The following FN1 variants were observed in gnomAD, a reference collection of about 807,000 sequenced individuals.
FN1 encodes fibronectin 1, also known as fibronectin.
Under a neutral mutation model 297.3 loss-of-function variants are expected in FN1, and 106 were observed. The ratio of observed to expected loss-of-function variants is 0.36; its 90% CI spans 0.30 to 0.42. FN1 has a LOEUF of 0.42. FN1 is among the 10% of genes least tolerant of loss of function. FN1 has a pLI of 1.00. For synonymous variants in FN1, 1,149 were observed against 1,152.6 expected (o/e 1.00, Z 0.06); for missense variants, 2,690 against 3,124.9 (o/e 0.86, Z 3.32).
chr2:215,415,041 A>C, intron 12 of FN1, 83 bp from the exon 13 acceptor site: 1 of 1,057,386 alleles, frequency 9.5e-7, no homozygotes, highest in Admixed American at 1.8e-5. Flanking sequence ...AGTCATCATT[A>C]TAAACAGCTT....
intron 25 of FN1, chr2:215,392,585 G>T (rs925132425): frequency 5.9e-6 from 2 of 341,736 alleles, no homozygotes; most frequent in Non-Finnish European, 1.1e-5. Flanking sequence ...TAATTAATTG[G>T]TACTTACGCA....
At chr2:215,403,786 G>A (rs983728171) in intron 20 of FN1, among the ~76,000 whole-genome samples, 3 of 152,120 alleles carry the variant, frequency 2.0e-5, no homozygotes, top group African/African-American at 4.8e-5. Flanking sequence ...AGAAAAGAGC[G>A]ATTCCGTCTG....
chr2:215,373,971 C>T (rs1196568523), intron 38 of FN1, among the ~76,000 whole-genome samples: 1 of 151,972 alleles, frequency 6.6e-6, no homozygotes, highest in African/African-American at 2.4e-5. Flanking sequence ...CGTGAGCCAC[C>T]GCGCCTGGCC....
chr2:215,390,043 C>T (rs1406243380), intron 26 of FN1, among the ~76,000 whole-genome samples: 1 of 152,220 alleles, frequency 6.6e-6, no homozygotes, highest in African/African-American at 2.4e-5. Flanking sequence ...ATTTGCCCTT[C>T]AGCGTTTCTA....
At position 215,430,816 on chromosome 2, in the gene FN1, T is replaced by C; in HGVS notation, c.584A>G (p.Tyr195Cys). 1 of 1,614,048 alleles carries C rather than the reference T, an allele frequency of 6.2e-7. No homozygotes were observed. The highest frequency in any genetic ancestry group is 2.2e-5 in the East Asian group (1 of 44,880). Residue 195 changes from tyrosine to cysteine, a missense_variant, in exon 5 of 46, where the codon TAT (tyrosine) becomes TGT (cysteine). By Grantham distance (194) the Tyr-to-Cys change is radical (BLOSUM62 -2). Around this residue, in one of 3 missense-constraint regions of FN1, gnomAD observed 876 missense variants for 1,058.1 expected, o/e 0.83. Transcript: ENST00000354785. ...CTTCTCCCACGTTTCTCCGACCACA[T>C]AGGAAGTCCCAGCAGCATGATCAAA... ...KCFDHAAGTS[Y>C]VVGETWEKPY...
chr2:215,395,994 T>C (rs908943783), intron 23 of FN1, among the ~76,000 whole-genome samples: 1 of 152,216 alleles, frequency 6.6e-6, no homozygotes, highest in African/African-American at 2.4e-5. Flanking sequence ...ATGAAAACTT[T>C]ACCAAAATCA....
intron 42 of FN1, 182 bp from the exon 43 acceptor site, chr2:215,365,812 T>A (rs147589042): frequency 0.3 from 75,982 of 255,328 alleles, 11,562 homozygotes; most frequent in South Asian, 0.49. Flanking sequence ...TTTTATTTTT[T>A]TTTTTTTTTT....
intron 21 of FN1, among the ~76,000 whole-genome samples, 175 bp downstream of exon 21, chr2:215,399,082 G>A (rs1190179722): frequency 2.0e-5 from 3 of 152,286 alleles, no homozygotes; most frequent in Admixed American, 6.5e-5. Flanking sequence ...CAACAATTCA[G>A]TGAGGTAGGC....
At chr2:215,375,540 A>G in intron 37 of FN1, 89 bp downstream of exon 37, 3 of 1,247,712 alleles carry the variant, frequency 2.4e-6, no homozygotes, top group Non-Finnish European at 3.5e-6. Flanking sequence ...TCTATAATAC[A>G]AAAATATACG....
chr2:215,435,936 A>T lies in FN1; in HGVS notation c.-134T>A. The T allele has an allele frequency of 6.0e-5, 79 of 1,310,496 alleles. No individual in the cohort carries two copies. The highest frequency in any genetic ancestry group is 3.8e-4 in the East Asian group (12 of 31,628). 81.2% of individuals were successfully genotyped at this position (1,310,496 alleles called of 1,614,324 possible). ...TCGCCTCCAAGAAGGTGGGGGCCAGAGGGTGGGGAAGGGGACGGGTGGAGG... is the reference window on the plus strand; with the variant it reads ...TCGCCTCCAAGAAGGTGGGGGCCAGTGGGTGGGGAAGGGGACGGGTGGAGG... On this transcript the variant is annotated 5_prime_UTR_variant, in exon 1 of 46. Coordinates refer to ENST00000354785, the MANE Select transcript of FN1 (RefSeq NM_212482.4).
At position 215,365,505 on chromosome 2, in the gene FN1, G is replaced by A. The variant is rs2054354579; in HGVS notation, c.7144C>T (p.His2382Tyr). 3.1e-6 allele frequency: 5 copies of A among 1,613,780 alleles called. No homozygotes were observed. The highest frequency in any genetic ancestry group is 1.3e-5 in the African/African-American group (1 of 74,906). The change falls in exon 43 of 46, where the codon CAT (histidine) becomes TAT (tyrosine). Residue 2382 changes from histidine to tyrosine, a missense_variant and splice_region_variant. Transcript: ENST00000354785. Reference sequence around the variant, plus strand: ...CTAAAAATGATCTGTGATGACATACGAGGGTCACACTTGAATTCTCCTTTT... The same window carrying A: ...CTAAAAATGATCTGTGATGACATACAAGGGTCACACTTGAATTCTCCTTTT... ...NGKGEFKCDP[H>Y]EATCYDDGKT...
At chr2:215,369,780 T>A (rs980426645) in intron 41 of FN1, among the ~76,000 whole-genome samples, 2 of 152,200 alleles carry the variant, frequency 1.3e-5, no homozygotes, top group Admixed American at 6.5e-5. Flanking sequence ...GAAATAACAT[T>A]GGAATAACAT....
intron 36 of FN1, 117 bp downstream of exon 36, chr2:215,376,381 T>TTATGATGA: frequency 1.1e-6 from 1 of 942,164 alleles, no homozygotes; most frequent in African/African-American, 1.6e-5. Context: ...TAAAACTGGG[T>TTATGATGA]TATGATGATA....
chr2:215,365,290 G>T (rs1412930082), intron 43 of FN1, among the ~76,000 whole-genome samples: 1 of 152,234 alleles, frequency 6.6e-6, no homozygotes, highest in South Asian at 2.1e-4. Flanking sequence ...AAATACTCAG[G>T]TTGGACAAGT....
chr2:215,362,676 G>C (rs527530667), intron 44 of FN1: 1 of 155,504 alleles, frequency 6.4e-6, no homozygotes, highest in South Asian at 2.0e-4. Flanking sequence ...CACCTGGCCG[G>C]AGATGGCATG....
chr2:215,406,021 T>C (rs531554852), intron 19 of FN1, among the ~76,000 whole-genome samples: 112 of 152,334 alleles, frequency 7.4e-4, no homozygotes, highest in African/African-American at 2.6e-3. Flanking sequence ...GGTACATGTA[T>C]TTTAGAAATG....
chr2:215,401,251 G>GAAAAAAAGAAAGA (rs1559475860), intron 20 of FN1, among the ~76,000 whole-genome samples: 1 of 80,168 alleles, frequency 1.2e-5, no homozygotes, highest in African/African-American at 5.2e-5. Context: ...AGAAAGAAAG[G>GAAAAAAAGAAAGA]AAGAAAGAAA....
intron 1 of FN1, 34 bp from the exon 2 acceptor site, chr2:215,434,858 AT>A: frequency 6.2e-7 from 1 of 1,605,800 alleles, no homozygotes; most frequent in South Asian, 1.1e-5. Flanking sequence ...TTACATTTGC[AT>A]TTCTCCTTTT....
chr2:215,387,929 G>A (rs1291524573), intron 27 of FN1, among the ~76,000 whole-genome samples: 1 of 152,128 alleles, frequency 6.6e-6, no homozygotes, highest in East Asian at 1.9e-4. Flanking sequence ...CTAATGAAAA[G>A]GAATGTCTGC....
Sources: allele counts gnomAD v4.1 joint callset (sites outside exome capture counted in the v4.1 genomes callset), GRCh38; gene constraint gnomAD v4.1.1; regional missense constraint gnomAD v4.1.1; transcripts MANE v1.5; gene names NCBI Gene and HGNC (gene_info 2026-07-23, HGNC 2026-07-21).